Variants in PITPNM2 observed in about 807,000 individuals in gnomAD.
PITPNM2 encodes the protein phosphatidylinositol transfer protein membrane associated 2.
PITPNM2 carries 35 observed loss-of-function variants against 132.2 expected under a neutral mutation model. The observed-to-expected ratio is 0.26, with a 90% CI of 0.20 to 0.35. The LOEUF is 0.35. Among genes scored for constraint, PITPNM2 ranks in the 10% least tolerant of loss-of-function variants. The pLI, the probability that PITPNM2 is intolerant of heterozygous loss-of-function variation, is 1.00. For missense variants in PITPNM2, 1,332 were observed against 1,912.0 expected, an observed-to-expected ratio of 0.70 and a Z score of 5.66; for synonymous variants, 738 against 799.2, an observed-to-expected ratio of 0.92 and a Z score of 1.29.
chr12:123,058,001 CACCTG>C lies in PITPNM2; in HGVS notation c.-95-23321_-95-23317del, dbSNP rs1484344578. ...CCAAGTCCCAGGGACCCCTCCTGTA[CACCTG>C]ACAGGTGCTACCTCCTCTCTGGGCC... On this transcript the variant is annotated intron_variant, in intron 2 of 25. Coordinates refer to ENST00000320201, the MANE Select transcript of PITPNM2 (RefSeq NM_020845.3). The surrounding 1 kb of genome is among the most constrained non-coding windows in gnomAD (Gnocchi z 4.0). Among the ~76,000 whole-genome samples the C allele has an allele frequency of 1.3e-5, 2 of 152,198 alleles. No individual in the cohort carries two copies. The highest frequency in any genetic ancestry group is 4.8e-5 in the African/African-American group (2 of 41,448).
rs999521451 is a variant in PITPNM2, at chr12:123,004,059, G to A, written c.1048+335C>T. 3.3e-5 allele frequency among the ~76,000 whole-genome samples: 5 copies of A among 152,198 alleles called. No individual in the cohort carries two copies. The highest frequency in any genetic ancestry group is 7.4e-5 in the Non-Finnish European group (5 of 68,022). On this transcript the variant is annotated intron_variant, in intron 8 of 25. Transcript: ENST00000320201. The surrounding 1 kb of genome is among the most constrained non-coding windows in gnomAD (Gnocchi z 4.9). ...AAATTAAAAGAAGTTATGCTTCCAT[G>A]GAAATAAATTCACATACGGAATAAA...
chr12:122,986,303 G>A lies in PITPNM2; in HGVS notation c.3774C>T (p.Ser1258=). 1 of 1,583,172 alleles carries A rather than the reference G, an allele frequency of 6.3e-7. No homozygotes were observed. Among genetic ancestry groups the A allele is most frequent in the Non-Finnish European group, 8.6e-7 (1 of 1,167,590 alleles). Residue 1258 remains serine (S), a synonymous_variant, in exon 26 of 26, where the codon AGC becomes AGT. Coordinates refer to ENST00000320201, the MANE Select transcript of PITPNM2 (RefSeq NM_020845.3). ...YAAHLAQLKY[S]HRARPARNTA... ...TGTTGCGAGCGGGCCGCGCCCGGTG[G>A]CTGTACTTCAGCTGCGCCAGGTGGG...
Position 123,009,152 on chromosome 12 carries a change from C to T in PITPNM2, c.643+698G>A, listed in dbSNP as rs148168014. Among the ~76,000 whole-genome samples the T allele has an allele frequency of 1.3e-5, 2 of 152,340 alleles. No homozygotes were observed. The highest frequency in any genetic ancestry group is 3.9e-4 in the East Asian group (2 of 5,184). ...TAAATAAAGTCACCCTTGCTCATGG[C>T]ATCACAAGGTGTCTGGCTGGGGTGC... On this transcript the variant is annotated intron_variant, in intron 6 of 25. Coordinates refer to ENST00000320201, the MANE Select transcript of PITPNM2 (RefSeq NM_020845.3). The surrounding 1 kb of genome is among the most constrained non-coding windows in gnomAD (Gnocchi z 4.8).
In PITPNM2 at chr12:123,014,051, A is replaced by G. The variant is rs1592943367; in HGVS notation, c.79-9T>C. On this transcript the variant is annotated splice_polypyrimidine_tract_variant and intron_variant, in intron 3 of 25. Transcript: ENST00000320201. The stretch of plus-strand genomic sequence containing the variant: ...TCGTTACGGCTCTTCTTCTGTGGGG[A>G]CAAAAGCACCTGCAATGTGTGTGGG... 6.2e-7 allele frequency: 1 copy of G among 1,613,976 alleles called. No homozygotes were observed.
intron 2 of PITPNM2, among the ~76,000 whole-genome samples, chr12:123,103,607 C>G (rs1438429960): frequency 6.6e-6 from 1 of 152,180 alleles, no homozygotes; most frequent in Admixed American, 6.5e-5. Context: ...TGGGGCCAGC[C>G]CTTCTTCCCT....
Position 123,009,920 on chromosome 12 carries a change from G to A in PITPNM2, c.573C>T (p.Tyr191=). The change falls in exon 6 of 26, where the codon TAC becomes TAT. Residue 191 remains tyrosine, a synonymous_variant. Coordinates refer to ENST00000320201, the MANE Select transcript of PITPNM2 (RefSeq NM_020845.3). This position sits in a 1 kb window ranked among gnomAD's most constrained non-coding sequence, Gnocchi z 4.8. ...KKQVFPIMCA[Y]KLCKVEFRYW... ...AGCGGAACTCCACCTTGCAGAGCTT[G>A]TATGCGCACATGATGGGGAAGACCT... The A allele has an allele frequency of 6.2e-7, 1 of 1,614,210 alleles. No individual in the cohort carries two copies. Among genetic ancestry groups the A allele is most frequent in the Non-Finnish European group, 8.5e-7 (1 of 1,180,042 alleles).
intron 6 of PITPNM2, among the ~76,000 whole-genome samples, chr12:123,006,350 T>C (rs1317098935): frequency 6.6e-6 from 1 of 152,076 alleles, no homozygotes; most frequent in Non-Finnish European, 1.5e-5. Context: ...GAATATATTA[T>C]ACATATAAAT....
At chr12:123,063,962 A>G (rs2041331494) in intron 2 of PITPNM2, among the ~76,000 whole-genome samples, 1 of 151,984 alleles carries the variant, frequency 6.6e-6, no homozygotes, top group Non-Finnish European at 1.5e-5. Flanking sequence ...CAATCAATGT[A>G]AAGCACCCAG....
chr12:123,097,440 TTCCTC>T lies in PITPNM2; in HGVS notation c.-96+12940_-96+12944del, dbSNP rs1255552363. 2.6e-5 allele frequency among the ~76,000 whole-genome samples: 4 copies of T among 152,164 alleles called. No homozygotes were observed. The highest frequency in any genetic ancestry group is 5.9e-5 in the Non-Finnish European group (4 of 68,022). On this transcript the variant is annotated intron_variant, in intron 2 of 25. Transcript: ENST00000320201. This position sits in a 1 kb window ranked among gnomAD's most constrained non-coding sequence, Gnocchi z 4.7. The stretch of plus-strand genomic sequence containing the variant: ...AGTCCTCAAGAGGCCAGCACCTCCT[TTCCTC>T]TCCTTGGCAGACCCTCCCTCGCTCC...
rs1482354651 is a variant in PITPNM2 at position 122,997,717 on chromosome 12, G to A, written c.1225-145C>T. On this transcript the variant is annotated intron_variant, in intron 10 of 25. Coordinates refer to ENST00000320201, the MANE Select transcript of PITPNM2 (RefSeq NM_020845.3). ...CCCCAGTTTTGGTTACTCATGCCTG[G>A]AGCCTGGGGTTTGGCTGCCTCAACC... The A allele has an allele frequency of 2.6e-6, 3 of 1,172,464 alleles. No homozygotes were observed. The Admixed American group carries it at 7.6e-5, about 30-fold the overall frequency. 72.6% of individuals were successfully genotyped at this position (1,172,464 alleles called of 1,614,324 possible).
intron 3 of PITPNM2, among the ~76,000 whole-genome samples, chr12:123,026,989 C>A (rs1162415210): frequency 6.6e-6 from 1 of 152,256 alleles, no homozygotes. Context: ...AGGCCACATT[C>A]TGAGACTGCA....
intron 2 of PITPNM2, among the ~76,000 whole-genome samples, chr12:123,060,738 G>T (rs1054366825): frequency 1.3e-5 from 2 of 152,226 alleles, no homozygotes; most frequent in Non-Finnish European, 2.9e-5. Flanking sequence ...CTCAGAGAGG[G>T]TTCCAGGGTC....
At chr12:122,989,186 GT>G (rs2038076031) in intron 18 of PITPNM2, among the ~76,000 whole-genome samples, 1 of 152,164 alleles carries the variant, frequency 6.6e-6, no homozygotes, top group Non-Finnish European at 1.5e-5. Context: ...CCTCTGCCCC[GT>G]GGCAACCCCA....
intron 2 of PITPNM2, among the ~76,000 whole-genome samples, chr12:123,101,227 T>C (rs1178637670): frequency 6.6e-6 from 1 of 152,182 alleles, no homozygotes; most frequent in Admixed American, 6.5e-5. Context: ...AACACACACT[T>C]ATGACCTCAA....
At chr12:123,001,799 G>A (rs2038693307) in intron 8 of PITPNM2, among the ~76,000 whole-genome samples, 1 of 152,170 alleles carries the variant, frequency 6.6e-6, no homozygotes, top group Non-Finnish European at 1.5e-5. Context: ...GGGAGGCTGA[G>A]GTGGGTGGAC....
At chr12:123,112,845 T>G (rs2042868116) in intron 1 of PITPNM2, among the ~76,000 whole-genome samples, 1 of 152,108 alleles carries the variant, frequency 6.6e-6, no homozygotes, top group Admixed American at 6.6e-5. Context: ...GCCTAAATCT[T>G]CAATATACTG....
At chr12:123,080,946 T>A (rs1247243606) in intron 2 of PITPNM2, among the ~76,000 whole-genome samples, 1 of 152,272 alleles carries the variant, frequency 6.6e-6, no homozygotes, top group Non-Finnish European at 1.5e-5. Context: ...AGGTGGCTAC[T>A]AAGCACTTGA....
At chr12:123,112,090 A>C (rs1593022741) in intron 1 of PITPNM2, among the ~76,000 whole-genome samples, 1 of 152,292 alleles carries the variant, frequency 6.6e-6, no homozygotes, top group East Asian at 1.9e-4. Context: ...ATGAGAAAAA[A>C]GCACTCTCAG....
At chr12:123,103,756 T>C (rs2042623092) in intron 2 of PITPNM2, among the ~76,000 whole-genome samples, 2 of 152,184 alleles carry the variant, frequency 1.3e-5, no homozygotes, top group East Asian at 1.9e-4. Context: ...TTCTTAGGCC[T>C]CAGTTTTCCA....
Sources: allele counts gnomAD v4.1 joint callset (sites outside exome capture counted in the v4.1 genomes callset), GRCh38; gene constraint gnomAD v4.1.1; non-coding constraint Gnocchi (gnomAD v3.1); transcripts MANE v1.5; gene names NCBI Gene and HGNC (gene_info 2026-07-23, HGNC 2026-07-21).